Variants in GPM6A observed in about 807,000 individuals in gnomAD.
The protein encoded by GPM6A is glycoprotein M6A.
In GPM6A, 7 loss-of-function variants were observed where a neutral mutation model predicts 32.1. The observed-to-expected ratio is 0.22, with a 90% CI of 0.12 to 0.41. The LOEUF (loss-of-function observed/expected upper bound fraction) is 0.41. GPM6A is among the 10% of genes least tolerant of loss of function. The pLI, the probability that GPM6A is intolerant of heterozygous loss-of-function variation, is 1.00. For missense variants in GPM6A, 235 were observed against 347.2 expected (o/e 0.68, Z 2.57); for synonymous variants, 130 against 123.4 (o/e 1.05, Z -0.35).
At chr4:175,724,484 G>T (rs1242479292) in intron 1 of GPM6A, among the ~76,000 whole-genome samples, 2 of 152,184 alleles carry the variant, frequency 1.3e-5, no homozygotes, top group African/African-American at 4.8e-5. Flanking sequence ...GGCGGAGGTT[G>T]CAGTAAGCCG....
At chr4:175,849,159 G>C (rs1736176608) in intron 1 of GPM6A, among the ~76,000 whole-genome samples, 1 of 152,156 alleles carries the variant, frequency 6.6e-6, no homozygotes, top group Non-Finnish European at 1.5e-5. Flanking sequence ...GGTAAGTACA[G>C]TACTAATTAA....
At chr4:175,670,021 C>T (rs74977362) in intron 3 of GPM6A, among the ~76,000 whole-genome samples, 1 of 151,170 alleles carries the variant, frequency 6.6e-6, no homozygotes, top group South Asian at 2.1e-4. Flanking sequence ...AAAAAATCAA[C>T]CCGGTGACAC....
In GPM6A at chr4:175,989,567, A is replaced by T. The variant is rs56788424; in HGVS notation, c.-23+12742T>A. 3.8e-3 allele frequency among the ~76,000 whole-genome samples: 574 copies of T among 151,924 alleles called. 3 individuals are homozygous for T. The highest frequency in any genetic ancestry group is 0.013 in the African/African-American group (527 of 41,468). ...TAATGCTAAATCATGTGATCTTTTT[A>T]AAAAAAAGCTGTTGGTATCCTGCAA... On this transcript the variant is annotated intron_variant, in intron 1 of 7. Coordinates refer to the GPM6A transcript ENST00000280187.
chr4:175,886,562 T>C (rs1737463709), intron 1 of GPM6A, among the ~76,000 whole-genome samples: 1 of 152,064 alleles, frequency 6.6e-6, no homozygotes, highest in African/African-American at 2.4e-5. Context: ...ATGGAGATAT[T>C]GATTAAATTA....
At chr4:175,890,219 T>G (rs1054593510) in intron 1 of GPM6A, among the ~76,000 whole-genome samples, 2 of 152,298 alleles carry the variant, frequency 1.3e-5, no homozygotes, top group East Asian at 1.9e-4. Flanking sequence ...ACTTATACAA[T>G]CAATTTTTGG....
intron 1 of GPM6A, among the ~76,000 whole-genome samples, chr4:175,805,119 C>T (rs892440697): frequency 6.6e-6 from 1 of 151,494 alleles, no homozygotes; most frequent in African/African-American, 2.4e-5. Flanking sequence ...GTAGAAGAAT[C>T]TCAAAAAATT....
intron 1 of GPM6A, among the ~76,000 whole-genome samples, chr4:175,792,905 A>G (rs1165107484): frequency 2.0e-5 from 3 of 152,202 alleles, no homozygotes; most frequent in Non-Finnish European, 4.4e-5. Flanking sequence ...GTGGCCGACC[A>G]TGGTGACGCA....
chr4:175,715,089 T>A (rs1745770747), intron 1 of GPM6A, among the ~76,000 whole-genome samples: 1 of 152,044 alleles, frequency 6.6e-6, no homozygotes. Flanking sequence ...GGAAATCCAG[T>A]TAAAACCCTC....
chr4:175,666,093 A>G (rs950864208), intron 3 of GPM6A, among the ~76,000 whole-genome samples: 2 of 151,122 alleles, frequency 1.3e-5, no homozygotes, highest in African/African-American at 4.9e-5. Context: ...TAATTTTCGT[A>G]TTTTTTAGTA....
At chr4:175,693,256 A>T (rs1336757716) in intron 2 of GPM6A, among the ~76,000 whole-genome samples, 1 of 149,082 alleles carries the variant, frequency 6.7e-6, no homozygotes, top group Non-Finnish European at 1.5e-5. Context: ...ATTAGCCTAA[A>T]TATATATATA....
chr4:175,883,662 G>A (rs186802703), intron 1 of GPM6A, among the ~76,000 whole-genome samples: 3 of 152,054 alleles, frequency 2.0e-5, no homozygotes, highest in East Asian at 1.9e-4. Context: ...TTTAATATCC[G>A]CAATATTGAC....
chr4:175,782,746 A>C, intron 1 of GPM6A, among the ~76,000 whole-genome samples: 1 of 152,114 alleles, frequency 6.6e-6, no homozygotes, highest in East Asian at 1.9e-4. Flanking sequence ...GACATAGCTT[A>C]AGAAATAGAA....
chr4:175,877,615 T>G (rs1343683148), intron 1 of GPM6A, among the ~76,000 whole-genome samples: 1 of 152,058 alleles, frequency 6.6e-6, no homozygotes, highest in Non-Finnish European at 1.5e-5. Context: ...CAGAACAGCA[T>G]GGGGGAAACC....
At chr4:175,915,894 A>C (rs1338778424) in intron 1 of GPM6A, among the ~76,000 whole-genome samples, 1 of 152,204 alleles carries the variant, frequency 6.6e-6, no homozygotes, top group Non-Finnish European at 1.5e-5. Context: ...GAATGTAGCC[A>C]TGTGGACCTT....
intron 1 of GPM6A, among the ~76,000 whole-genome samples, chr4:175,895,548 A>T (rs1183367683): frequency 6.6e-6 from 1 of 152,178 alleles, no homozygotes; most frequent in Non-Finnish European, 1.5e-5. Context: ...ACAGGTATGT[A>T]TATCACCAAG....
intron 1 of GPM6A, among the ~76,000 whole-genome samples, chr4:176,000,984 T>C (rs1579700954): frequency 6.6e-6 from 1 of 152,214 alleles, no homozygotes; most frequent in East Asian, 1.9e-4. Context: ...GCCCTAAAAA[T>C]GGGTCCTTCT....
At chr4:175,914,162 G>T (rs183807948) in intron 1 of GPM6A, among the ~76,000 whole-genome samples, 209 of 116,466 alleles carry the variant, frequency 1.8e-3, no homozygotes, top group African/African-American at 5.0e-3. Context: ...AAAAATGTGT[G>T]GGGGGGGTAG....
At chr4:175,832,724 T>A (rs1441269361) in intron 1 of GPM6A, among the ~76,000 whole-genome samples, 3 of 152,258 alleles carry the variant, frequency 2.0e-5, no homozygotes, top group Non-Finnish European at 4.4e-5. Flanking sequence ...ATTTCTATTC[T>A]ACTCACATAC....
At chr4:175,711,917 G>GT (rs35784571) in intron 1 of GPM6A, among the ~76,000 whole-genome samples, 8,881 of 152,148 alleles carry the variant, frequency 0.058, 580 homozygotes, top group East Asian at 0.36. Flanking sequence ...GACAAGAACA[G>GT]TTTTTTCCTA....
Sources: gnomAD v4.1 joint callset for allele counts (sites outside exome capture counted in the v4.1 genomes callset) on GRCh38, gnomAD v4.1.1 for gene constraint, MANE v1.5 for transcripts, NCBI Gene and HGNC (gene_info 2026-07-23, HGNC 2026-07-21) for gene names.